The following ARFGEF1 variants were observed in gnomAD, a reference collection of about 807,000 sequenced individuals.
The protein encoded by ARFGEF1 is brefeldin A-inhibited guanine nucleotide-exchange protein 1.
A neutral mutation model predicts 231.0 loss-of-function variants in ARFGEF1; 42 were observed. The ratio of observed to expected loss-of-function variants is 0.18; its 90% confidence interval spans 0.14 to 0.24. The LOEUF (loss-of-function observed/expected upper bound fraction) is 0.24, where lower values mean the gene tolerates loss of function less well. Ranked by LOEUF, ARFGEF1 falls within the 10% of genes least tolerant of loss-of-function variation. The probability of loss-of-function intolerance (pLI) is 1.00; values close to 1 mark genes in which losing one functional copy is unlikely to be tolerated. For missense variants in ARFGEF1, 1,345 were observed against 2,192.0 expected, an observed-to-expected ratio of 0.61 and a Z score of 7.72; for synonymous variants, 710 against 732.3, an observed-to-expected ratio of 0.97 and a Z score of 0.49.
chr8:67,341,638 TA>T (rs1808634002), intron 1 of ARFGEF1, among the ~76,000 whole-genome samples: 1 of 152,116 alleles, frequency 6.6e-6, no homozygotes, highest in South Asian at 2.1e-4. Context: ...TGAATCTCTC[TA>T]AAGTTCTTCA....
intron 34 of ARFGEF1, among the ~76,000 whole-genome samples, chr8:67,208,758 G>T (rs1281306028): frequency 2.6e-5 from 4 of 151,824 alleles, no homozygotes; most frequent in African/African-American, 9.7e-5. Context: ...AGAAAAATTG[G>T]ACTTCATCAA....
chr8:67,199,997 G>A (rs998827224), intron 38 of ARFGEF1: 5 of 310,866 alleles, frequency 1.6e-5, no homozygotes, highest in Admixed American at 8.0e-5. Flanking sequence ...AGGAACAGCT[G>A]CAGCCCAGAG....
chr8:67,206,035 T>A (rs1479761256), intron 34 of ARFGEF1, among the ~76,000 whole-genome samples: 2 of 152,018 alleles, frequency 1.3e-5, no homozygotes, highest in African/African-American at 4.8e-5. Context: ...CAGCACATGT[T>A]TTATTTGGAT....
intron 29 of ARFGEF1, among the ~76,000 whole-genome samples, chr8:67,221,387 A>C (rs539209860): frequency 6.6e-6 from 1 of 152,236 alleles, no homozygotes; most frequent in East Asian, 1.9e-4. Flanking sequence ...GTGGGGATGG[A>C]AGACAGTGAC....
At chr8:67,279,960 C>T (rs1805468130) in intron 7 of ARFGEF1, among the ~76,000 whole-genome samples, 1 of 152,032 alleles carries the variant, frequency 6.6e-6, no homozygotes, top group Admixed American at 6.6e-5. Flanking sequence ...TACCAATTTA[C>T]TTTCTCCTTT....
At chr8:67,177,874 A>C in intron 5 of ARFGEF1, 1 of 686,454 alleles carries the variant, frequency 1.5e-6, no homozygotes, top group Admixed American at 2.2e-5. Context: ...TAGCTTGAGA[A>C]GTGTTAGTGT....
At chr8:67,258,007 T>C (rs1840516303) in intron 16 of ARFGEF1, 78 bp downstream of exon 16, 1 of 1,351,530 alleles carries the variant, frequency 7.4e-7, no homozygotes, top group Non-Finnish European at 1.0e-6. Flanking sequence ...GGTCCTATTA[T>C]CTGTAAATCC....
chr8:67,275,835 C>T (rs2128899188), intron 9 of ARFGEF1, 141 bp downstream of exon 9: 11 of 950,904 alleles, frequency 1.2e-5, no homozygotes, highest in African/African-American at 5.0e-5. Context: ...TTTTCTTAAA[C>T]GTAAAATACC....
intron 19 of ARFGEF1, among the ~76,000 whole-genome samples, chr8:67,241,345 C>T (rs553229582): frequency 1.1e-4 from 16 of 152,060 alleles, no homozygotes; most frequent in Non-Finnish European, 1.9e-4. Flanking sequence ...ACATAAGTGC[C>T]GTACTTCTAA....
intron 5 of ARFGEF1, among the ~76,000 whole-genome samples, chr8:67,189,859 A>C (rs1379731095): frequency 1.3e-5 from 2 of 152,082 alleles, no homozygotes; most frequent in Admixed American, 6.5e-5. Context: ...TTTTCAAAGG[A>C]GTTGCGGAGG....
intron 1 of ARFGEF1, among the ~76,000 whole-genome samples, chr8:67,342,960 G>A (rs536130825): frequency 2.3e-4 from 35 of 152,026 alleles, no homozygotes; most frequent in African/African-American, 8.2e-4. Flanking sequence ...CCAGCTCACT[G>A]CCCTTCCTCC....
At chr8:67,293,353 C>G (rs1048372652) in intron 5 of ARFGEF1, among the ~76,000 whole-genome samples, 1 of 152,048 alleles carries the variant, frequency 6.6e-6, no homozygotes, top group Non-Finnish European at 1.5e-5. Context: ...AGGCCTAGCA[C>G]AGTGCCAGGA....
At chr8:67,184,744 TATAATAATA>T (rs377423199) in intron 5 of ARFGEF1, among the ~76,000 whole-genome samples, 1 of 142,498 alleles carries the variant, frequency 7.0e-6, no homozygotes, top group African/African-American at 2.6e-5. Context: ...AATAAAAAAA[TATAATAATA>T]ATAATAATAA....
At chr8:67,193,562 G>A, downstream of ARFGEF1, 2 of 1,613,822 alleles carry the variant, frequency 1.2e-6, no homozygotes, top group South Asian at 1.1e-5. Flanking sequence ...AGGAACGAAT[G>A]CGAAGACTGA....
chr8:67,310,495 T>C (rs572677003), intron 1 of ARFGEF1, among the ~76,000 whole-genome samples: 1 of 152,324 alleles, frequency 6.6e-6, no homozygotes, highest in Non-Finnish European at 1.5e-5. Context: ...AGTGCCGAGA[T>C]TGGAGCCTCT....
At chr8:67,260,932 A>T (rs1804591022) in intron 14 of ARFGEF1, among the ~76,000 whole-genome samples, 1 of 152,250 alleles carries the variant, frequency 6.6e-6, no homozygotes, top group South Asian at 2.1e-4. Context: ...TGTGAAAAGA[A>T]GATCAAACCA....
At chr8:67,221,876 T>C (rs1243708246) in intron 29 of ARFGEF1, among the ~76,000 whole-genome samples, 1 of 150,316 alleles carries the variant, frequency 6.7e-6, no homozygotes, top group African/African-American at 2.4e-5. Flanking sequence ...TGCAGTGGCA[T>C]GATCTCTGCT....
intron 9 of ARFGEF1, among the ~76,000 whole-genome samples, 174 bp downstream of exon 9, chr8:67,275,802 T>A (rs1245348496): frequency 3.3e-5 from 5 of 152,126 alleles, no homozygotes; most frequent in African/African-American, 4.8e-5. Context: ...ACTCCAGCAG[T>A]TTTGAATTGT....
chr8:67,324,374 A>G (rs144852583), intron 1 of ARFGEF1, among the ~76,000 whole-genome samples: 5 of 152,284 alleles, frequency 3.3e-5, no homozygotes, highest in African/African-American at 1.2e-4. Context: ...CCACAGTCAT[A>G]CTGAACTCCC....
Sources: allele counts gnomAD v4.1 joint callset (sites outside exome capture counted in the v4.1 genomes callset), GRCh38; gene constraint gnomAD v4.1.1; transcripts MANE v1.5; gene names NCBI Gene and HGNC (gene_info 2026-07-23, HGNC 2026-07-21).